Variants in RPS6KA2 observed in about 807,000 individuals in gnomAD.
RPS6KA2 encodes the protein ribosomal protein S6 kinase alpha-2.
A neutral mutation model predicts 91.8 loss-of-function variants in RPS6KA2; 42 were observed. The ratio of observed to expected loss-of-function variants is 0.46; its 90% CI spans 0.36 to 0.59. The LOEUF (loss-of-function observed/expected upper bound fraction) is 0.59, where lower values mean the gene tolerates loss of function less well. Ranked by LOEUF, RPS6KA2 falls within the 20% of genes least tolerant of loss-of-function variation. The pLI is 0.00. For missense variants in RPS6KA2, 798 were observed against 978.5 expected, an observed-to-expected ratio of 0.82 and a Z score of 2.46; for synonymous variants, 414 against 393.6, an observed-to-expected ratio of 1.05 and a Z score of -0.61.
intron 1 of RPS6KA2, among the ~76,000 whole-genome samples, chr6:166,617,831 G>A (rs546321901): frequency 1.3e-3 from 198 of 152,334 alleles, no homozygotes; most frequent in African/African-American, 4.5e-3. Flanking sequence ...AGCTGTCTGT[G>A]GCTGCCGAGC....
At chr6:166,619,543 C>T (rs1035608581) in intron 1 of RPS6KA2, among the ~76,000 whole-genome samples, 1 of 152,244 alleles carries the variant, frequency 6.6e-6, no homozygotes, top group Non-Finnish European at 1.5e-5. Context: ...GCCCAGGGCC[C>T]CAGGTGCCTG....
intron 2 of RPS6KA2, among the ~76,000 whole-genome samples, chr6:166,685,185 C>T (rs373645590): frequency 1.2e-4 from 18 of 147,292 alleles, no homozygotes; most frequent in East Asian, 4.0e-4. Flanking sequence ...GGACAGAGGC[C>T]GAGGAAAGCT....
At chr6:166,829,314 G>T (rs1038083672) in intron 2 of RPS6KA2, among the ~76,000 whole-genome samples, 14 of 152,258 alleles carry the variant, frequency 9.2e-5, no homozygotes, top group Admixed American at 3.9e-4. Flanking sequence ...ATTATCGGCC[G>T]GGCGCGGTGG....
rs115501394 is a variant in RPS6KA2 at position 166,559,674 on chromosome 6, G to A, written c.100-20890C>T. 2.9e-3 allele frequency among the ~76,000 whole-genome samples: 449 copies of A among 152,252 alleles called. 1 individual carries two copies. Among genetic ancestry groups the A allele is most frequent in the African/African-American group, 9.4e-3 (391 of 41,526 alleles). ...AATTGAGTAATATGGTCTGGCCTTA[G>A]AGTTTCACTGTCACCTTTGTTGAAT... On this transcript the variant is annotated intron_variant, in intron 1 of 20. Transcript: ENST00000265678.
intron 1 of RPS6KA2, among the ~76,000 whole-genome samples, chr6:166,553,684 G>T (rs897844071): frequency 6.6e-6 from 1 of 151,832 alleles, no homozygotes; most frequent in African/African-American, 2.4e-5. Flanking sequence ...ATTATCACAC[G>T]TGCGGCTCAT....
rs150381114 is a variant in RPS6KA2 at position 166,649,858 on chromosome 6, C to T, written c.124-111074G>A. The stretch of plus-strand genomic sequence containing the variant: ...TTGTTTTGCTACCAGGACTGCAGGG[C>T]TGTCTTTCTGCGAACTTTCATTACC... On this transcript the variant is annotated intron_variant, in intron 2 of 21. Coordinates refer to the RPS6KA2 transcript ENST00000503859. Among the ~76,000 whole-genome samples, 502 of 152,308 alleles carry T rather than the reference C, an allele frequency of 3.3e-3. 2 individuals carry two copies. Among genetic ancestry groups the T allele is most frequent in the African/African-American group, 0.012 (489 of 41,556 alleles).
chr6:166,440,640 C>T (rs1211997904), intron 14 of RPS6KA2, among the ~76,000 whole-genome samples: 3 of 152,168 alleles, frequency 2.0e-5, no homozygotes, highest in Non-Finnish European at 4.4e-5. Context: ...AAGTTAACAT[C>T]CCATGTAGGA....
At chr6:166,515,619 G>C (rs562269693) in intron 3 of RPS6KA2, among the ~76,000 whole-genome samples, 183 of 144,194 alleles carry the variant, frequency 1.3e-3, no homozygotes, top group Non-Finnish European at 1.9e-3. Flanking sequence ...GCCGAATGGA[G>C]CTCTTGTATC....
At chr6:166,468,857 A>T (rs1398704594) in intron 11 of RPS6KA2, among the ~76,000 whole-genome samples, 1 of 32,252 alleles carries the variant, frequency 3.1e-5, no homozygotes, top group Non-Finnish European at 4.8e-5. Context: ...GAGCGAGACT[A>T]AAAAAAAAAA....
chr6:166,515,968 C>T (rs1374958393), intron 3 of RPS6KA2, among the ~76,000 whole-genome samples: 1 of 152,226 alleles, frequency 6.6e-6, no homozygotes, highest in Non-Finnish European at 1.5e-5. Flanking sequence ...GTCTTCCCAC[C>T]TTTGCTTCGA....
chr6:166,438,072 C>G (rs958956796), intron 14 of RPS6KA2, among the ~76,000 whole-genome samples: 1 of 152,142 alleles, frequency 6.6e-6, no homozygotes, highest in Admixed American at 6.5e-5. Context: ...GGATCAGTAT[C>G]GTATTTGACA....
At chr6:166,743,578 G>A (rs1415571449) in intron 2 of RPS6KA2, among the ~76,000 whole-genome samples, 2 of 152,176 alleles carry the variant, frequency 1.3e-5, no homozygotes, top group African/African-American at 4.8e-5. Flanking sequence ...AAAGAGCTTG[G>A]AGGCCTCTCC....
At chr6:166,702,927 T>C in intron 2 of RPS6KA2, 1 of 642,026 alleles carries the variant, frequency 1.6e-6, no homozygotes, top group Non-Finnish European at 2.8e-6. Flanking sequence ...CTGGTTTTGT[T>C]CCCCTCGTCT....
At chr6:166,663,614 C>T (rs542339242) in intron 2 of RPS6KA2, among the ~76,000 whole-genome samples, 86 of 152,318 alleles carry the variant, frequency 5.6e-4, no homozygotes, top group Admixed American at 4.6e-4. Context: ...GGCTTCCTGT[C>T]GAATAACTAT....
At chr6:166,773,937 C>T (rs868486657) in intron 2 of RPS6KA2, among the ~76,000 whole-genome samples, 15 of 152,252 alleles carry the variant, frequency 9.9e-5, no homozygotes, top group Middle Eastern at 3.4e-3. Context: ...AATAAATGGA[C>T]GTGGTCAGAC....
intron 2 of RPS6KA2, among the ~76,000 whole-genome samples, chr6:166,750,234 A>G (rs1791235052): frequency 6.6e-6 from 1 of 152,180 alleles, no homozygotes; most frequent in Admixed American, 6.5e-5. Flanking sequence ...CTGCAGAGAC[A>G]TCGGGCGTGC....
intron 1 of RPS6KA2, among the ~76,000 whole-genome samples, chr6:166,582,581 A>C (rs1388268844): frequency 6.6e-6 from 1 of 152,222 alleles, no homozygotes; most frequent in Non-Finnish European, 1.5e-5. Context: ...GTATGCAATG[A>C]ATTTTTATCA....
At chr6:166,783,208 C>A (rs1000463174) in intron 2 of RPS6KA2, among the ~76,000 whole-genome samples, 5 of 151,652 alleles carry the variant, frequency 3.3e-5, no homozygotes, top group Admixed American at 6.6e-5. Flanking sequence ...CCCGCCTCAG[C>A]CTTCCAGGAG....
At chr6:166,753,442 T>C (rs570930746) in intron 2 of RPS6KA2, among the ~76,000 whole-genome samples, 95 of 152,348 alleles carry the variant, frequency 6.2e-4, no homozygotes, top group Non-Finnish European at 1.2e-3. Flanking sequence ...TTTCTTGTCT[T>C]ATGAACACAA....
Sources: allele counts gnomAD v4.1 joint callset (sites outside exome capture counted in the v4.1 genomes callset), GRCh38; gene constraint gnomAD v4.1.1; transcripts MANE v1.5; gene names NCBI Gene and HGNC (gene_info 2026-07-23, HGNC 2026-07-21).